Variants in WDR27 observed in about 807,000 individuals in gnomAD.
WDR27 encodes the protein WD repeat domain 27.
A neutral mutation model predicts 114.4 loss-of-function variants in WDR27; 100 were observed. The observed-to-expected ratio is 0.87, with a 90% CI of 0.74 to 1.03. The LOEUF (loss-of-function observed/expected upper bound fraction) is 1.03. WDR27 is among the 50% of genes least tolerant of loss of function. The pLI, the probability that WDR27 is intolerant of heterozygous loss-of-function variation, is 0.00. For synonymous variants in WDR27, 449 were observed against 423.1 expected (o/e 1.06, Z -0.75); for missense variants, 1,129 against 1,092.9 (o/e 1.03, Z -0.47).
intron 25 of WDR27, among the ~76,000 whole-genome samples, chr6:169,508,527 A>C (rs1277143539): frequency 6.6e-6 from 1 of 152,120 alleles, no homozygotes; most frequent in Non-Finnish European, 1.5e-5. Context: ...GTTGTTGTTT[A>C]AGAGTGAATA....
At chr6:169,519,195 G>A (rs148049516) in intron 25 of WDR27, among the ~76,000 whole-genome samples, 323 of 152,166 alleles carry the variant, frequency 2.1e-3, no homozygotes, top group African/African-American at 7.2e-3. Flanking sequence ...GTTTTCTTCT[G>A]AGCTCTCCAA....
chr6:169,670,820 G>T, intron 3 of WDR27, 127 bp from the exon 4 acceptor site: 1 of 1,315,756 alleles, frequency 7.6e-7, no homozygotes, highest in Non-Finnish European at 1.0e-6. Context: ...GAGCTTTGAT[G>T]TGATTTTGAT....
intron 23 of WDR27, among the ~76,000 whole-genome samples, chr6:169,586,598 C>T (rs899189425): frequency 6.6e-6 from 1 of 152,014 alleles, no homozygotes; most frequent in African/African-American, 2.4e-5. Flanking sequence ...GTGGCTCACG[C>T]CTGTAATCCC....
rs561191552 is a variant in WDR27 at position 169,615,473 on chromosome 6, T to C, written c.2224-1817A>G. 1.4e-3 allele frequency among the ~76,000 whole-genome samples: 211 copies of C among 152,100 alleles called. 1 individual carries two copies. The highest frequency in any genetic ancestry group is 2.7e-3 in the Non-Finnish European group (182 of 68,026). On this transcript the variant is annotated intron_variant, in intron 21 of 25. Coordinates refer to ENST00000448612, the MANE Select transcript of WDR27 (RefSeq NM_182552.5). ...GCTCAAAATAGCACAGTATTGATAA[T>C]AAAGCCACATACCTACGACCGACTG... is the stretch of plus-strand genomic sequence containing the variant.
intron 25 of WDR27, among the ~76,000 whole-genome samples, chr6:169,463,899 A>G (rs548330230): frequency 1.3e-4 from 20 of 152,254 alleles, no homozygotes; most frequent in African/African-American, 4.6e-4. Flanking sequence ...AAAGACATTC[A>G]TTAAAACACT....
Position 169,684,382 on chromosome 6 carries a change from GT to G in WDR27, c.189+4434del, listed in dbSNP as rs1782369833. ...AAGAAATACTTCTGGGCTGCCCAAT[GT>G]CCCCGAGTCTCCAATAAAGGCCTGA... On this transcript the variant is annotated intron_variant, in intron 2 of 25. Transcript: ENST00000448612. The surrounding 1 kb of genome is among the most constrained non-coding windows in gnomAD (Gnocchi z 4.3). Among the ~76,000 whole-genome samples, 1 of 152,142 alleles carries G rather than the reference GT, an allele frequency of 6.6e-6. No individual in the cohort carries two copies.
At chr6:169,595,457 C>T (rs1387490168) in intron 23 of WDR27, among the ~76,000 whole-genome samples, 1 of 152,180 alleles carries the variant, frequency 6.6e-6, no homozygotes, top group African/African-American at 2.4e-5. Flanking sequence ...TTTTCCATCT[C>T]TCTTCCTCTA....
At chr6:169,689,090 G>T in intron 1 of WDR27, 78 bp from the exon 2 acceptor site, 1 of 992,168 alleles carries the variant, frequency 1.0e-6, no homozygotes, top group Non-Finnish European at 1.4e-6. Flanking sequence ...CCTACTGATA[G>T]TTACTAGTTT....
At chr6:169,514,680 A>C (rs1793395894) in intron 25 of WDR27, among the ~76,000 whole-genome samples, 1 of 148,660 alleles carries the variant, frequency 6.7e-6, no homozygotes, top group Non-Finnish European at 1.5e-5. Context: ...AGTTGGATTT[A>C]TTCTAGGAAT....
chr6:169,577,364 G>A (rs1386250407), intron 24 of WDR27, among the ~76,000 whole-genome samples: 3 of 152,182 alleles, frequency 2.0e-5, no homozygotes, highest in Non-Finnish European at 4.4e-5. Context: ...ACCACGGTCC[G>A]GGCATCTGCG....
intron 25 of WDR27, among the ~76,000 whole-genome samples, chr6:169,541,982 A>G (rs1024129657): frequency 6.6e-6 from 1 of 152,188 alleles, no homozygotes; most frequent in Non-Finnish European, 1.5e-5. Context: ...CTGTTGTTAC[A>G]TAGGTCCACT....
At chr6:169,476,153 C>T (rs937749939) in intron 25 of WDR27, among the ~76,000 whole-genome samples, 3 of 152,064 alleles carry the variant, frequency 2.0e-5, no homozygotes, top group Non-Finnish European at 4.4e-5. Context: ...GGTCTCAAAC[C>T]CCTTGTGGCC....
intron 25 of WDR27, among the ~76,000 whole-genome samples, chr6:169,465,220 T>A (rs547978628): frequency 2.5e-4 from 35 of 137,736 alleles, no homozygotes; most frequent in African/African-American, 9.2e-4. Context: ...ATTGCACCAT[T>A]GCACTCCAGC....
chr6:169,601,012 T>C (rs1374738922), intron 23 of WDR27, among the ~76,000 whole-genome samples: 1 of 152,098 alleles, frequency 6.6e-6, no homozygotes, highest in African/African-American at 2.4e-5. Context: ...CACATTATTG[T>C]CAGATTCACC....
chr6:169,639,258 G>T (rs1466467564), intron 17 of WDR27, among the ~76,000 whole-genome samples: 1 of 143,126 alleles, frequency 7.0e-6, no homozygotes, highest in Non-Finnish European at 1.5e-5. Flanking sequence ...GTGTGGTGCT[G>T]GGGTTTGGGG....
chr6:169,686,053 A>G (rs1002060554), intron 2 of WDR27, among the ~76,000 whole-genome samples: 5 of 152,214 alleles, frequency 3.3e-5, no homozygotes, highest in African/African-American at 1.2e-4. Flanking sequence ...TATTCAAAGT[A>G]CTGAAAGAAA....
chr6:169,533,308 C>T lies in WDR27; in HGVS notation c.2645+39111G>A, dbSNP rs369703265. Among the ~76,000 whole-genome samples the T allele has an allele frequency of 3.5e-4, 43 of 121,748 alleles. 1 individual carries two copies. In the South Asian group the frequency reaches 0.01, roughly 29 times the overall value. The allele number at this position is 121,748 out of a possible 152,430, so 79.9% of individuals were successfully genotyped here. A position where few individuals can be genotyped will look rare whatever the true frequency, so the allele number is the denominator to read the frequency against. Reference sequence around the variant, plus strand: ...GGCTTTGCAGGAAAATTGGGGGGGGCGGGGGCGGTGGTGAGGTGAGAACGA... The same window carrying T: ...GGCTTTGCAGGAAAATTGGGGGGGGTGGGGGCGGTGGTGAGGTGAGAACGA... On this transcript the variant is annotated intron_variant, in intron 25 of 25. Transcript: ENST00000448612.
intron 1 of WDR27, among the ~76,000 whole-genome samples, chr6:169,698,375 G>A (rs1786830616): frequency 6.6e-6 from 1 of 152,042 alleles, no homozygotes; most frequent in Admixed American, 6.5e-5. Flanking sequence ...GGGAGGGTCT[G>A]GTGCAGGCAG....
intron 25 of WDR27, among the ~76,000 whole-genome samples, chr6:169,485,272 C>T (rs967663517): frequency 2.6e-5 from 4 of 152,112 alleles, no homozygotes; most frequent in Admixed American, 6.5e-5. Flanking sequence ...ATGCATCTGA[C>T]GAAGGTCTAA....
Sources: gnomAD v4.1 joint callset for allele counts (sites outside exome capture counted in the v4.1 genomes callset) on GRCh38, gnomAD v4.1.1 for gene constraint, Gnocchi (gnomAD v3.1) non-coding constraint, MANE v1.5 for transcripts, NCBI Gene and HGNC (gene_info 2026-07-23, HGNC 2026-07-21) for gene names.